Variants in RIPK2 observed in about 807,000 individuals in gnomAD.
The protein encoded by RIPK2 is receptor-interacting serine/threonine-protein kinase 2.
Under a neutral mutation model 60.9 loss-of-function variants are expected in RIPK2, and 38 were observed. The observed-to-expected ratio is 0.62, with a 90% CI of 0.48 to 0.82. The LOEUF (loss-of-function observed/expected upper bound fraction) is 0.82, where lower values mean the gene tolerates loss of function less well. Among genes scored for constraint, RIPK2 ranks in the 40% least tolerant of loss-of-function variants. The pLI, the probability that RIPK2 is intolerant of heterozygous loss-of-function variation, is 0.00. For missense variants in RIPK2, 518 were observed against 647.0 expected (o/e 0.80, Z 2.16); for synonymous variants, 225 against 223.4 (o/e 1.01, Z -0.06).
intron 6 of RIPK2, among the ~76,000 whole-genome samples, chr8:89,776,830 A>G (rs559497017): frequency 6.6e-6 from 1 of 152,306 alleles, no homozygotes; most frequent in African/African-American, 2.4e-5. Context: ...ACTGGGGCCA[A>G]TTTACCCTCC....
chr8:89,762,950 C>A lies in RIPK2; in HGVS notation c.295C>A (p.Pro99Thr). ...EFLGIVTEYM[P>T]NGSLNELLHR... ...TTTGGGAATAGTTACTGAATACATG[C>A]CAAATGGATCATTAAATGAACTCCT... is the stretch of plus-strand genomic sequence containing the variant. The change falls in exon 2 of 11, where the codon CCA (proline) becomes ACA (threonine). Residue 99 changes from proline (P) to threonine (T), a missense_variant. Transcript: ENST00000220751. The A allele has an allele frequency of 6.6e-7, 1 of 1,513,054 alleles. No individual in the cohort carries two copies. The allele number at this position is 1,513,054 out of a possible 1,614,324, so 93.7% of individuals were successfully genotyped here. A position where few individuals can be genotyped will look rare whatever the true frequency, so the allele number is the denominator to read the frequency against.
rs1401763109 is a variant in RIPK2, at chr8:89,757,842, C to T, written c.-219C>T. 4 of 1,302,928 alleles carry T rather than the reference C, an allele frequency of 3.1e-6. No individual in the cohort carries two copies. The highest frequency in any genetic ancestry group is 1.5e-5 in the African/African-American group (1 of 64,788). 80.7% of individuals were successfully genotyped at this position (1,302,928 alleles called of 1,614,324 possible). ...TTTCGCGGCGCTACGGCGTTGGCACCAGTCTCTAGAAAAGAAGTCAGCTCT... is the reference window on the plus strand; with the variant it reads ...TTTCGCGGCGCTACGGCGTTGGCACTAGTCTCTAGAAAAGAAGTCAGCTCT... On this transcript the variant is annotated 5_prime_UTR_variant, in exon 1 of 11. Coordinates refer to ENST00000220751, the MANE Select transcript of RIPK2 (RefSeq NM_003821.6).
At position 89,757,850 on chromosome 8, in the gene RIPK2, A is replaced by G. The variant is rs199801441; in HGVS notation, c.-211A>G. The G allele has an allele frequency of 2.3e-5, 31 of 1,321,514 alleles. No individual in the cohort carries two copies. Among genetic ancestry groups the G allele is most frequent in the South Asian group, 3.9e-5 (2 of 51,246 alleles). The allele number at this position is 1,321,514 out of a possible 1,614,324, so 81.9% of individuals were successfully genotyped here. A position where few individuals can be genotyped will look rare whatever the true frequency, so the allele number is the denominator to read the frequency against. ...CGCTACGGCGTTGGCACCAGTCTCT[A>G]GAAAAGAAGTCAGCTCTGGTTCGGA... On this transcript the variant is annotated 5_prime_UTR_variant, in exon 1 of 11. Transcript: ENST00000220751.
At chr8:89,786,531 T>C (rs1009833909) in intron 8 of RIPK2, 62 bp from the exon 9 acceptor site, 8 of 964,662 alleles carry the variant, frequency 8.3e-6, no homozygotes, top group African/African-American at 1.7e-5. Flanking sequence ...ACAAGAACTA[T>C]TTAGAAATTA....
In RIPK2 at chr8:89,762,890, C is replaced by A; in HGVS notation, c.235C>A (p.Leu79Ile). The change falls in exon 2 of 11, where the codon CTT (leucine) becomes ATT (isoleucine). Residue 79 changes from leucine to isoleucine, a missense_variant. Leu to Ile is a conservative substitution (Grantham distance 5, BLOSUM62 2). This residue lies in a region of RIPK2 where 448 missense variants were observed against 534.7 expected (regional missense o/e 0.84). Transcript: ENST00000220751. ...ILHKARFSYILPILGICNEPE... is the reference protein window; with the variant it reads ...ILHKARFSYIIPILGICNEPE... ...ACACAAAGCTAGATTTAGTTACATT[C>A]TTCCAATTTTGGGAATTTGCAATGA... The A allele has an allele frequency of 6.5e-7, 1 of 1,542,456 alleles. No homozygotes were observed. Among genetic ancestry groups the A allele is most frequent in the Non-Finnish European group, 8.8e-7 (1 of 1,137,002 alleles).
At chr8:89,787,308 A>G (rs976830651) in intron 9 of RIPK2, among the ~76,000 whole-genome samples, 7 of 152,252 alleles carry the variant, frequency 4.6e-5, no homozygotes, top group African/African-American at 1.7e-4. Flanking sequence ...ATCTAGAGCT[A>G]TGGTAGTACA....
chr8:89,758,514 G>A (rs1809089978), intron 1 of RIPK2, among the ~76,000 whole-genome samples: 1 of 152,118 alleles, frequency 6.6e-6, no homozygotes, highest in African/African-American at 2.4e-5. Flanking sequence ...TAGGCGTTCT[G>A]GCTCCGTACT....
intron 6 of RIPK2, among the ~76,000 whole-genome samples, chr8:89,777,488 T>G (rs1809418180): frequency 6.6e-6 from 1 of 152,186 alleles, no homozygotes; most frequent in Admixed American, 6.6e-5. Context: ...GCATTATTTT[T>G]CTAGTAATAA....
chr8:89,773,385 G>A (rs901681329), intron 6 of RIPK2, among the ~76,000 whole-genome samples: 1 of 152,050 alleles, frequency 6.6e-6, no homozygotes, highest in African/African-American at 2.4e-5. Flanking sequence ...CAAGCATAAA[G>A]GCTCTGAGCC....
intron 1 of RIPK2, 86 bp downstream of exon 1, chr8:89,758,319 T>C (rs1586113671): frequency 9.5e-6 from 13 of 1,366,756 alleles, no homozygotes; most frequent in Non-Finnish European, 1.3e-5. Flanking sequence ...AGAGCCCAAA[T>C]GGCAGTGACC....
chr8:89,762,774 A>C (rs1586117094), intron 1 of RIPK2, 55 bp from the exon 2 acceptor site: 1 of 1,045,976 alleles, frequency 9.6e-7, no homozygotes, highest in Non-Finnish European at 1.3e-6. Flanking sequence ...TCTTATAGGC[A>C]TGATAATTGT....
At chr8:89,783,440 G>A (rs1025898163) in intron 7 of RIPK2, among the ~76,000 whole-genome samples, 2 of 151,986 alleles carry the variant, frequency 1.3e-5, no homozygotes, top group African/African-American at 4.8e-5. Context: ...TTCAAAATAG[G>A]AATTTTTATC....
At position 89,787,092 on chromosome 8, in the gene RIPK2, G is replaced by A. The variant is rs567136070; in HGVS notation, c.1123+406G>A. Among the ~76,000 whole-genome samples, 9 of 152,052 alleles carry A rather than the reference G, an allele frequency of 5.9e-5. 1 individual carries two copies. Among genetic ancestry groups the A allele is most frequent in the African/African-American group, 2.2e-4 (9 of 41,472 alleles). On this transcript the variant is annotated intron_variant, in intron 9 of 10. Transcript: ENST00000220751. Reference sequence around the variant, plus strand: ...GAGGCGGAAAGATCGCTTGAACCTGGGAGGGAGGTTGCAGTGAGCCGAGAT... The same window carrying A: ...GAGGCGGAAAGATCGCTTGAACCTGAGAGGGAGGTTGCAGTGAGCCGAGAT...
intron 6 of RIPK2, among the ~76,000 whole-genome samples, chr8:89,778,118 T>A (rs965250334): frequency 2.0e-5 from 3 of 150,020 alleles, no homozygotes; most frequent in Non-Finnish European, 4.4e-5. Context: ...GCAATATTTT[T>A]CCTTTTTTTA....
At chr8:89,788,216 A>C (rs902345271) in intron 9 of RIPK2, among the ~76,000 whole-genome samples, 1 of 151,854 alleles carries the variant, frequency 6.6e-6, no homozygotes, top group Admixed American at 6.6e-5. Context: ...GGTGGTGCAC[A>C]CCTGTAATCC....
chr8:89,789,290 C>G, intron 9 of RIPK2, 31 bp from the exon 10 acceptor site: 4 of 1,594,208 alleles, frequency 2.5e-6, no homozygotes, highest in Non-Finnish European at 3.4e-6. Flanking sequence ...AAGGAGTATT[C>G]TACTTCTAAT....
chr8:89,790,482 T>G lies in RIPK2; in HGVS notation c.*66T>G. The G allele has an allele frequency of 8.3e-7, 1 of 1,203,726 alleles. No individual in the cohort carries two copies. The highest frequency in any genetic ancestry group is 1.1e-6 in the Non-Finnish European group (1 of 871,406). The allele number at this position is 1,203,726 out of a possible 1,614,324, so 74.6% of individuals were successfully genotyped here. On this transcript the variant is annotated 3_prime_UTR_variant, in exon 11 of 11. Transcript: ENST00000220751. ...ATTTATATCTCTGTTGCTTTGACTTTTTTTATATAAAATCCGTGAGTATTA... is the reference window on the plus strand; with the variant it reads ...ATTTATATCTCTGTTGCTTTGACTTGTTTTATATAAAATCCGTGAGTATTA...
In RIPK2 at chr8:89,790,177, GCCCTTCTGT is replaced by G. The variant is rs1468327754; in HGVS notation, c.1387_1395del (p.Leu463_Ser465del). On this transcript the variant is annotated inframe_deletion, in exon 11 of 11. Coordinates refer to ENST00000220751, the MANE Select transcript of RIPK2 (RefSeq NM_003821.6). The stretch of plus-strand genomic sequence containing the variant: ...AGCCTGCCTTAACCAGTCGCTAGAT[GCCCTTCTGT>G]CCAGGGACTTGATCATGAAAGAGGA... 6.2e-7 allele frequency: 1 copy of G among 1,613,866 alleles called. No homozygotes were observed. The highest frequency in any genetic ancestry group is 1.3e-5 in the African/African-American group (1 of 74,900).
chr8:89,779,797 C>G (rs1428522037), intron 6 of RIPK2, among the ~76,000 whole-genome samples: 1 of 152,148 alleles, frequency 6.6e-6, no homozygotes, highest in African/African-American at 2.4e-5. Flanking sequence ...AGGTGTATAT[C>G]CAACTGTTTT....
Sources: allele counts gnomAD v4.1 joint callset (sites outside exome capture counted in the v4.1 genomes callset), GRCh38; gene constraint gnomAD v4.1.1; regional missense constraint gnomAD v4.1.1; transcripts MANE v1.5; gene names NCBI Gene and HGNC (gene_info 2026-07-23, HGNC 2026-07-21).